KCTD19: variants seen among roughly 807,000 people sequenced by gnomAD.
KCTD19 encodes the protein potassium channel tetramerization domain containing 19, also known as BTB/POZ domain-containing protein KCTD19.
Under a neutral mutation model 103.5 loss-of-function variants are expected in KCTD19, and 67 were observed. The ratio of observed to expected loss-of-function variants is 0.65; its 90% CI spans 0.53 to 0.79. KCTD19 has a LOEUF of 0.79. KCTD19 is among the 30% of genes least tolerant of loss of function. KCTD19 has a pLI of 0.00. For synonymous variants in KCTD19, 439 were observed against 452.2 expected, an observed-to-expected ratio of 0.97 and a Z score of 0.37; for missense variants, 980 against 1,136.1, an observed-to-expected ratio of 0.86 and a Z score of 1.98.
chr16:67,315,627 G>A (rs984039996), intron 2 of KCTD19, among the ~76,000 whole-genome samples: 1 of 152,046 alleles, frequency 6.6e-6, no homozygotes, highest in Admixed American at 6.6e-5. Flanking sequence ...GATTATAGGC[G>A]CACGACACCA....
rs1489458875 is a variant in KCTD19 at position 67,323,020 on chromosome 16, C to G, written c.4-2135G>C. On this transcript the variant is annotated intron_variant, in intron 1 of 15. Transcript: ENST00000304372. This position sits in a 1 kb window ranked among gnomAD's most constrained non-coding sequence, Gnocchi z 4.1. ...CCCACAACAGAATACTACTTCACAC[C>G]CATTAGTATGGCTACAATGAAAACA... Among the ~76,000 whole-genome samples, 1 of 152,098 alleles carries G rather than the reference C, an allele frequency of 6.6e-6. No individual in the cohort carries two copies. Among genetic ancestry groups the G allele is most frequent in the Non-Finnish European group, 1.5e-5 (1 of 68,018 alleles).
intron 8 of KCTD19, 140 bp from the exon 9 acceptor site, chr16:67,295,545 A>G: frequency 1.2e-6 from 1 of 811,322 alleles, no homozygotes. Flanking sequence ...GTCAGTCACA[A>G]GGAACCATGG....
rs772003052 is a variant in KCTD19 at position 67,320,580 on chromosome 16, G to A, written c.300+9C>T. 5.6e-6 allele frequency: 9 copies of A among 1,610,686 alleles called. No individual in the cohort carries two copies. The highest frequency in any genetic ancestry group is 1.3e-5 in the African/African-American group (1 of 74,824). On this transcript the variant is annotated intron_variant, in intron 2 of 15. Transcript: ENST00000304372. The surrounding 1 kb of genome is among the most constrained non-coding windows in gnomAD (Gnocchi z 4.0). ...GATCCACCACTCCCAGAAAACAAGA[G>A]CATCTTACCTGCAGCAAAGGCATCA... is the stretch of plus-strand genomic sequence containing the variant.
At position 67,304,421 on chromosome 16, in the gene KCTD19, C is replaced by T. The variant is rs2036869450; in HGVS notation, c.451G>A (p.Gly151Ser). The change falls in exon 3 of 16, where the codon GGC becomes AGC. Residue 151 changes from glycine to serine, a missense_variant and splice_region_variant. Gly to Ser is a moderately conservative substitution (Grantham distance 56, BLOSUM62 0). Coordinates refer to ENST00000304372, the MANE Select transcript of KCTD19 (RefSeq NM_001100915.3). ...GGAGGGACAGCCTATCCCAATTCACCTGTAAAGGCTGGGCTTTTAATTGGA... is the reference window on the plus strand; with the variant it reads ...GGAGGGACAGCCTATCCCAATTCACTTGTAAAGGCTGGGCTTTTAATTGGA... ...EFPIKSPAFTGLHDKAPLGLM... is the reference protein window; with the variant it reads ...EFPIKSPAFTSLHDKAPLGLM... 6.2e-7 allele frequency: 1 copy of T among 1,613,790 alleles called. No individual in the cohort carries two copies. The highest frequency in any genetic ancestry group is 1.7e-5 in the Admixed American group (1 of 59,992).
intron 1 of KCTD19, chr16:67,325,838 C>A (rs923293886): frequency 6.6e-6 from 1 of 152,130 alleles, no homozygotes; most frequent in Non-Finnish European, 1.5e-5. Context: ...TCATCCCCAC[C>A]CCATTACAAA....
chr16:67,312,221 G>T (rs1455722406), intron 2 of KCTD19, among the ~76,000 whole-genome samples: 2 of 152,268 alleles, frequency 1.3e-5, no homozygotes, highest in Admixed American at 1.3e-4. Context: ...AAGTAAAAAA[G>T]AATCGATAAT....
chr16:67,290,849 G>C (rs765215271), intron 15 of KCTD19, 36 bp downstream of exon 15: 5 of 1,547,334 alleles, frequency 3.2e-6, no homozygotes, highest in Non-Finnish European at 3.5e-6. Context: ...CATCCACAGG[G>C]TCGGTGGATT....
intron 7 of KCTD19, 88 bp from the exon 8 acceptor site, chr16:67,296,347 T>A: frequency 1.3e-6 from 1 of 798,578 alleles, no homozygotes; most frequent in Non-Finnish European, 2.2e-6. Flanking sequence ...TATTTCACGT[T>A]AAGTCTCAAT....
intron 1 of KCTD19, among the ~76,000 whole-genome samples, chr16:67,325,487 A>G (rs1293738672): frequency 6.6e-6 from 1 of 151,698 alleles, no homozygotes; most frequent in African/African-American, 2.4e-5. Flanking sequence ...CGTGATCCAC[A>G]TGCTTCGGCC....
rs772964262 is a variant in KCTD19, at chr16:67,294,020, C to A, written c.1742G>T (p.Arg581Met). The part of the protein sequence containing the change: ...IQVSLCRNAK[R>M]AGNPSTYSHC... ...TGAGTATGTGCTAGGGTTGCCAGCC[C>A]TCTTGGCATTTCGGCATAGGGACAC... Residue 581 changes from arginine (R) to methionine (M), a missense_variant, in exon 12 of 16, where the codon AGG becomes ATG. Arg to Met is a moderately conservative substitution (Grantham distance 91). Transcript: ENST00000304372. 3.1e-6 allele frequency: 5 copies of A among 1,614,068 alleles called. No homozygotes were observed. Among genetic ancestry groups the A allele is most frequent in the Non-Finnish European group, 3.4e-6 (4 of 1,180,040 alleles).
intron 13 of KCTD19, 57 bp downstream of exon 13, chr16:67,291,589 G>A (rs2036696431): frequency 1.3e-6 from 2 of 1,582,168 alleles, no homozygotes; most frequent in Non-Finnish European, 1.7e-6. Flanking sequence ...ACCCTGGGAG[G>A]GGGCTCAGGC....
chr16:67,294,229 G>A, intron 11 of KCTD19, 58 bp from the exon 12 acceptor site: 1 of 1,513,902 alleles, frequency 6.6e-7, no homozygotes, highest in Non-Finnish European at 9.0e-7. Flanking sequence ...TCAACGCCTT[G>A]CCCAAGATCT....
Position 67,320,696 on chromosome 16 carries a change from G to A in KCTD19, c.193C>T (p.His65Tyr). 2 of 1,614,158 alleles carry A rather than the reference G, an allele frequency of 1.2e-6. No homozygotes were observed. Among genetic ancestry groups the A allele is most frequent in the Non-Finnish European group, 1.7e-6 (2 of 1,180,016 alleles). Residue 65 changes from histidine (H) to tyrosine (Y), a missense_variant, in exon 2 of 16, where the codon CAC (histidine) becomes TAC (tyrosine). By Grantham distance (83) the His-to-Tyr change is moderately conservative. Coordinates refer to ENST00000304372, the MANE Select transcript of KCTD19 (RefSeq NM_001100915.3). The surrounding 1 kb of genome is among the most constrained non-coding windows in gnomAD (Gnocchi z 4.0). ...FIDRDGSTFRHVHYYLYTSKL... is the reference protein window; with the variant it reads ...FIDRDGSTFRYVHYYLYTSKL... ...GAGGTGTAGAGGTAATAGTGCACGT[G>A]CCTAAATGTGGAACCATCTCTGTCG...
chr16:67,308,444 C>T (rs2036916570), intron 2 of KCTD19, among the ~76,000 whole-genome samples: 1 of 152,162 alleles, frequency 6.6e-6, no homozygotes, highest in African/African-American at 2.4e-5. Flanking sequence ...GGATTACAGG[C>T]ATGAGCCACT....
chr16:67,294,970 T>C lies in KCTD19; in HGVS notation c.1475+3A>G, dbSNP rs1218916851. The C allele has an allele frequency of 1.2e-6, 2 of 1,606,792 alleles. No individual in the cohort carries two copies. The highest frequency in any genetic ancestry group is 1.7e-6 in the Non-Finnish European group (2 of 1,173,654). The stretch of plus-strand genomic sequence containing the variant: ...ACATAGAGTCGTGATAAAGTTTTCT[T>C]ACTTGTATGCTTCACATTGTGCAAG... On this transcript the variant is annotated splice_donor_region_variant and intron_variant, in intron 10 of 15. Transcript: ENST00000304372.
intron 2 of KCTD19, among the ~76,000 whole-genome samples, chr16:67,317,693 C>T (rs984943794): frequency 2.0e-5 from 3 of 152,056 alleles, no homozygotes; most frequent in Admixed American, 6.6e-5. Context: ...AAATTGATGT[C>T]ATCTGTTTCT....
chr16:67,292,028 C>A (rs1466125558), intron 12 of KCTD19, among the ~76,000 whole-genome samples, 191 bp from the exon 13 acceptor site: 1 of 152,182 alleles, frequency 6.6e-6, no homozygotes, highest in Admixed American at 6.5e-5. Context: ...CACCTGCCAC[C>A]ACGCCCGGCT....
chr16:67,308,464 C>T (rs1171923304), intron 2 of KCTD19, among the ~76,000 whole-genome samples: 1 of 152,090 alleles, frequency 6.6e-6, no homozygotes, highest in Non-Finnish European at 1.5e-5. Flanking sequence ...TGCGCCCAGC[C>T]TAAATTACCT....
intron 2 of KCTD19, among the ~76,000 whole-genome samples, chr16:67,309,794 G>A (rs1236689031): frequency 6.6e-6 from 1 of 152,206 alleles, no homozygotes; most frequent in Non-Finnish European, 1.5e-5. Flanking sequence ...TCTGGAATGG[G>A]TCAGTAGTGA....
Sources: gnomAD v4.1 joint callset for allele counts (sites outside exome capture counted in the v4.1 genomes callset) on GRCh38, gnomAD v4.1.1 for gene constraint, Gnocchi (gnomAD v3.1) non-coding constraint, MANE v1.5 for transcripts, NCBI Gene and HGNC (gene_info 2026-07-23, HGNC 2026-07-21) for gene names.